The following TTN variants were observed in gnomAD, a reference collection of about 807,000 sequenced individuals.
The protein encoded by TTN is titin, also known as connectin.
Under a neutral mutation model 3,223.0 loss-of-function variants are expected in TTN, and 1,525 were observed. The observed-to-expected ratio is 0.47, with a 90% confidence interval of 0.45 to 0.49. The LOEUF (loss-of-function observed/expected upper bound fraction) is 0.49, where lower values mean the gene tolerates loss of function less well. Ranked by LOEUF, TTN falls within the 20% of genes least tolerant of loss-of-function variation. TTN has a pLI of 0.00. For synonymous variants in TTN, 14,094 were observed against 15,161.0 expected (o/e 0.93, Z 5.17); for missense variants, 40,786 against 43,424.0 (o/e 0.94, Z 5.40).
Position 178,564,617 on chromosome 2 carries a change from T to A in TTN, c.81515A>T (p.Asp27172Val). 9 of 1,613,510 alleles carry A rather than the reference T, an allele frequency of 5.6e-6. No individual in the cohort carries two copies. Among genetic ancestry groups the A allele is most frequent in the African/African-American group, 1.3e-5 (1 of 75,006 alleles). The change falls in exon 326 of 363, where the codon GAC (aspartate) becomes GTC (valine). Residue 27172 changes from aspartate (D) to valine (V), a missense_variant. By Grantham distance (152) the Asp-to-Val change is radical. Transcript: ENST00000589042. ...SECFVARDPC[D>V]PPGRPEAIVI... The stretch of plus-strand genomic sequence containing the variant: ...AATGGCTTCAGGGCGACCAGGTGGG[T>A]CACATGGATCACGAGCAACAAAGCA...
chr2:178,599,719 T>C lies in TTN; in HGVS notation c.56182A>G (p.Asn18728Asp). 6 of 1,613,018 alleles carry C rather than the reference T, an allele frequency of 3.7e-6. No homozygotes were observed. Among genetic ancestry groups the C allele is most frequent in the Middle Eastern group, 1.7e-4 (1 of 6,050 alleles). ...WFKAPPKKPD[N>D]KEPVLYDTHV... ...GTGTCATAGAGAACAGGTTCTTTGT[T>C]ATCAGGCTTCTTTGGAGGAGCTTTA... Residue 18728 changes from asparagine to aspartate, a missense_variant, in exon 289 of 363, where the codon AAC (asparagine) becomes GAC (aspartate). Coordinates refer to ENST00000589042, the MANE Select transcript of TTN (RefSeq NM_001267550.2).
intron 308 of TTN, among the ~76,000 whole-genome samples, 161 bp from the exon 309 acceptor site, chr2:178,585,508 T>G (rs1346433593): frequency 6.6e-6 from 1 of 152,040 alleles, no homozygotes; most frequent in Non-Finnish European, 1.5e-5. Flanking sequence ...GCTTGTTACA[T>G]AGGTATACAT....
chr2:178,747,343 A>G, intron 47 of TTN: 1 of 1,613,302 alleles, frequency 6.2e-7, no homozygotes, highest in Non-Finnish European at 8.5e-7. Context: ...CACCTCCTGA[A>G]TGTATTGAGG....
At chr2:178,650,879 A>G (rs1262613670) in intron 208 of TTN, 45 bp from the exon 209 acceptor site, 1 of 1,540,200 alleles carries the variant, frequency 6.5e-7, no homozygotes. Flanking sequence ...GTTGAGAAGT[A>G]TATTAAATTT....
rs72650078 is a variant in TTN at position 178,636,623 on chromosome 2, A to G, written c.41104T>C (p.Ser13702Pro). ...ACCAAACATTCAAAGATTGCTGAAG[A>G]GCCAACGAACTCTGATTCTGTCAAG... Reference protein sequence around the residue: ...IILTESEFVGSSAIFECLVSP... With the variant: ...IILTESEFVGPSAIFECLVSP... The change falls in exon 225 of 363, where the codon TCT (serine) becomes CCT (proline). Residue 13702 changes from serine (S) to proline (P), a missense_variant. Physicochemically the swap from Ser to Pro is moderately conservative, Grantham distance 74 (BLOSUM62 -1). Coordinates refer to ENST00000589042, the MANE Select transcript of TTN (RefSeq NM_001267550.2). The surrounding 1 kb of genome is among the most constrained non-coding windows in gnomAD (Gnocchi z 4.3). 5 of 1,613,310 alleles carry G rather than the reference A, an allele frequency of 3.1e-6. No individual in the cohort carries two copies. Among genetic ancestry groups the G allele is most frequent in the Non-Finnish European group, 4.2e-6 (5 of 1,179,596 alleles).
rs768960050 is a variant in TTN at position 178,548,804 on chromosome 2, G to T, written c.92822C>A (p.Ala30941Asp). 6 of 1,612,576 alleles carry T rather than the reference G, an allele frequency of 3.7e-6. No individual in the cohort carries two copies. Among genetic ancestry groups the T allele is most frequent in the Non-Finnish European group, 5.1e-6 (6 of 1,179,792 alleles). The part of the protein sequence containing the change: ...FKQTHVVRAG[A>D]SIRLFIAYQG... ...GTAGGCAATGAAGAGGCGAATACTG[G>T]CCCCAGCTCTAACAACATGAGTCTG... is the stretch of plus-strand genomic sequence containing the variant. The change falls in exon 339 of 363, where the codon GCC becomes GAC. Residue 30941 changes from alanine to aspartate, a missense_variant. Coordinates refer to ENST00000589042, the MANE Select transcript of TTN (RefSeq NM_001267550.2). This position sits in a 1 kb window ranked among gnomAD's most constrained non-coding sequence, Gnocchi z 4.3.
intron 47 of TTN, 60 bp downstream of exon 47, chr2:178,753,064 C>A: frequency 1.4e-6 from 2 of 1,406,160 alleles, no homozygotes; most frequent in South Asian, 1.2e-5. Flanking sequence ...GAAGGCAACT[C>A]AAGGATCCTA....
Position 178,560,397 on chromosome 2 carries a change from C to A in TTN, c.85735G>T (p.Gly28579Cys). The part of the protein sequence containing the change: ...LCWSRPESDG[G>C]SEISGYIIER... ...ATTATATATCCAGATATTTCACTACCTCCATCACTCTCGGGTCTTGACCAG... is the reference window on the plus strand; with the variant it reads ...ATTATATATCCAGATATTTCACTACATCCATCACTCTCGGGTCTTGACCAG... Residue 28579 changes from glycine (G) to cysteine (C), a missense_variant, in exon 326 of 363, where the codon GGT (glycine) becomes TGT (cysteine). Gly to Cys is a radical substitution (Grantham distance 159). Transcript: ENST00000589042. The A allele has an allele frequency of 1.9e-6, 3 of 1,613,702 alleles. No individual in the cohort carries two copies. Among genetic ancestry groups the A allele is most frequent in the Non-Finnish European group, 2.5e-6 (3 of 1,179,782 alleles).
rs750786216 is a variant in TTN at position 178,774,906 on chromosome 2, T to C, written c.6790+15A>G. The C allele has an allele frequency of 1.2e-6, 2 of 1,613,328 alleles. No homozygotes were observed. The highest frequency in any genetic ancestry group is 3.3e-5 in the Admixed American group (2 of 59,990). On this transcript the variant is annotated intron_variant, in intron 29 of 362. Coordinates refer to ENST00000589042, the MANE Select transcript of TTN (RefSeq NM_001267550.2). ...AGAGCTTAGGTAAACAATGAAATCC[T>C]TCGTTGTTGAATACCTTCAACAATA... is the stretch of plus-strand genomic sequence containing the variant.
Position 178,561,213 on chromosome 2 carries a change from T to C in TTN, c.84919A>G (p.Ile28307Val). 6.2e-7 allele frequency: 1 copy of C among 1,613,608 alleles called. No homozygotes were observed. The change falls in exon 326 of 363, where the codon ATA becomes GTA. Residue 28307 changes from isoleucine (I) to valine (V), a missense_variant. Transcript: ENST00000589042. ...GRWLKCNYTN[I>V]QETYFEVTEL... ...GTTACTTCAAAGTATGTTTCTTGTA[T>C]ATTAGTATAATTGCACTTCAGCCAC...
In TTN at chr2:178,560,255, T is replaced by A; in HGVS notation, c.85877A>T (p.Tyr28626Phe). 6.2e-7 allele frequency: 1 copy of A among 1,613,846 alleles called. No individual in the cohort carries two copies. The highest frequency in any genetic ancestry group is 8.5e-7 in the Non-Finnish European group (1 of 1,179,806). Reference protein sequence around the residue: ...REGCEYEYRVYAENAAGLSLP... With the variant: ...REGCEYEYRVFAENAAGLSLP... The stretch of plus-strand genomic sequence containing the variant: ...ACTTAGGCCAGCAGCATTTTCTGCA[T>A]AAACACGATATTCATATTCACATCC... Residue 28626 changes from tyrosine (Y) to phenylalanine (F), a missense_variant, in exon 326 of 363, where the codon TAT (tyrosine) becomes TTT (phenylalanine). Tyr to Phe is a conservative substitution (Grantham distance 22). Transcript: ENST00000589042.
chr2:178,575,373 C>G lies in TTN; in HGVS notation c.70759G>C (p.Gly23587Arg). ...DQWTHITTVK[G>R]LECVVRNLTE... ...AGATTCCTCACAACACATTCTAACC[C>G]TTTCACGGTTGTGATGTGGGTCCAC... The change falls in exon 326 of 363, where the codon GGG becomes CGG. Residue 23587 changes from glycine (G) to arginine (R), a missense_variant. By Grantham distance (125) the Gly-to-Arg change is moderately radical. Transcript: ENST00000589042. This position sits in a 1 kb window ranked among gnomAD's most constrained non-coding sequence, Gnocchi z 4.0. 2.5e-6 allele frequency: 4 copies of G among 1,613,588 alleles called. No individual in the cohort carries two copies. Among genetic ancestry groups the G allele is most frequent in the Non-Finnish European group, 3.4e-6 (4 of 1,179,676 alleles).
Position 178,577,113 on chromosome 2 carries a change from G to A in TTN, c.69222C>T (p.Ser23074=). ...TGGTTTCTCTCTTTTCAAGTATATA[G>A]GACTTAATTGGTGAGCCGCCATCTT... ...PLEDGGSPIK[S]YILEKRETSR... is the part of the protein sequence containing the mutation. Residue 23074 remains serine, a synonymous_variant, in exon 324 of 363, where the codon TCC becomes TCT. Coordinates refer to ENST00000589042, the MANE Select transcript of TTN (RefSeq NM_001267550.2). 6.2e-7 allele frequency: 1 copy of A among 1,613,136 alleles called. No individual in the cohort carries two copies. Among genetic ancestry groups the A allele is most frequent in the Non-Finnish European group, 8.5e-7 (1 of 1,179,514 alleles).
In TTN at chr2:178,569,939, T is replaced by C. The variant is rs1467808986; in HGVS notation, c.76193A>G (p.Lys25398Arg). The change falls in exon 326 of 363, where the codon AAG becomes AGG. Residue 25398 changes from lysine (K) to arginine (R), a missense_variant. Coordinates refer to ENST00000589042, the MANE Select transcript of TTN (RefSeq NM_001267550.2). ...SEPSPPSAYQ[K>R]ACDPIYKPGP... ...TGGTTTATAAATAGGATCACAAGCC[T>C]TTTGGTAAGCAGAAGGAGGGCTTGG... 1 of 1,612,918 alleles carries C rather than the reference T, an allele frequency of 6.2e-7. No homozygotes were observed. The highest frequency in any genetic ancestry group is 2.2e-5 in the East Asian group (1 of 44,746).
At position 178,729,424 on chromosome 2, in the gene TTN, T is replaced by A; in HGVS notation, c.18732A>T (p.Lys6244Asn). ...KNNREIRSSK[K>N]YTLTDRVSVF... ...CAGACACTCTGTCGGTCAATGTGTA[T>A]TTTTTGCTGCTTCGAATTTCCCTGT... The change falls in exon 64 of 363, where the codon AAA (lysine) becomes AAT (asparagine). Residue 6244 changes from lysine (K) to asparagine (N), a missense_variant. Lys to Asn is a moderately conservative substitution (Grantham distance 94). Transcript: ENST00000589042. The A allele has an allele frequency of 6.2e-7, 1 of 1,613,628 alleles. No individual in the cohort carries two copies. Among genetic ancestry groups the A allele is most frequent in the East Asian group, 2.2e-5 (1 of 44,856 alleles).
intron 295 of TTN, among the ~76,000 whole-genome samples, chr2:178,595,200 G>A (rs147597320): frequency 1.3e-5 from 2 of 151,980 alleles, no homozygotes; most frequent in African/African-American, 4.8e-5. Context: ...GAACCTCAGA[G>A]GTGGAGGTTG....
In TTN at chr2:178,773,145, C is replaced by T. The variant is rs1214151889; in HGVS notation, c.7819G>A (p.Gly2607Arg). 6.2e-7 allele frequency: 1 copy of T among 1,613,808 alleles called. No individual in the cohort carries two copies. Among genetic ancestry groups the T allele is most frequent in the Non-Finnish European group, 8.5e-7 (1 of 1,179,904 alleles). Reference sequence around the variant, plus strand: ...AGTTTTCCAGATGTCATATTTTCTCCCGCGTAAAATGTGTATTTTCCTTCA... The same window carrying T: ...AGTTTTCCAGATGTCATATTTTCTCTCGCGTAAAATGTGTATTTTCCTTCA... ...DDEGKYTFYA[G>R]ENMTSGKLTV... is the part of the protein sequence containing the mutation. The change falls in exon 33 of 363, where the codon GGA becomes AGA. Residue 2607 changes from glycine to arginine, a missense_variant. Coordinates refer to ENST00000589042, the MANE Select transcript of TTN (RefSeq NM_001267550.2).
In TTN at chr2:178,795,197, G is replaced by A. The variant is rs72647845; in HGVS notation, c.970C>T (p.Pro324Ser). The change falls in exon 7 of 363, where the codon CCA (proline) becomes TCA (serine). Residue 324 changes from proline to serine, a missense_variant. By Grantham distance (74) the Pro-to-Ser change is moderately conservative. Coordinates refer to ENST00000589042, the MANE Select transcript of TTN (RefSeq NM_001267550.2). ...STSPIRSVRS[P>S]LLMRKTQAST... ...GCCTGAGTCTTACGCATGAGCAATG[G>A]AGACCTAACAGACCTGATGGGGGAT... 664 of 1,614,166 alleles carry A rather than the reference G, an allele frequency of 4.1e-4. 3 individuals carry two copies. In the African/African-American group the frequency reaches 7.9e-3, roughly 19 times the overall value.
At chr2:178,733,163 A>G (rs947953620) in intron 54 of TTN, 42 bp from the exon 55 acceptor site, 2 of 1,557,242 alleles carry the variant, frequency 1.3e-6, no homozygotes, top group Non-Finnish European at 1.7e-6. Context: ...AATATAGAAG[A>G]GTGCTCAGTG....
Sources: gnomAD v4.1 joint callset for allele counts (sites outside exome capture counted in the v4.1 genomes callset) on GRCh38, gnomAD v4.1.1 for gene constraint, Gnocchi (gnomAD v3.1) non-coding constraint, MANE v1.5 for transcripts, NCBI Gene and HGNC (gene_info 2026-07-23, HGNC 2026-07-21) for gene names.